The following CRADD variants were observed in gnomAD, a reference collection of about 807,000 sequenced individuals.
CRADD encodes the protein CARD and death domain containing adaptor protein.
Under a neutral mutation model 15.5 loss-of-function variants are expected in CRADD, and 9 were observed. The observed-to-expected ratio is 0.58, with a 90% CI of 0.35 to 1.01. The LOEUF (loss-of-function observed/expected upper bound fraction) is 1.01. Among genes scored for constraint, CRADD ranks in the 50% least tolerant of loss-of-function variants. CRADD has a pLI of 0.02. For synonymous variants in CRADD, 118 were observed against 107.6 expected (o/e 1.10, Z -0.60); for missense variants, 227 against 250.3 (o/e 0.91, Z 0.63).
intron 2 of CRADD, among the ~76,000 whole-genome samples, chr12:93,680,318 C>T (rs1955252116): frequency 6.6e-6 from 1 of 152,062 alleles, no homozygotes; most frequent in South Asian, 2.1e-4. Context: ...CCCCAGACTT[C>T]GTGGTTGCTA....
At chr12:93,679,125 T>A (rs919305271) in intron 2 of CRADD, 53 bp downstream of exon 2, 9 of 1,410,092 alleles carry the variant, frequency 6.4e-6, no homozygotes, top group Non-Finnish European at 8.9e-6. Flanking sequence ...GTAACTATGC[T>A]CTTTGCTTTT....
chr12:93,749,538 C>T (rs1956807446), intron 2 of CRADD, among the ~76,000 whole-genome samples: 1 of 151,242 alleles, frequency 6.6e-6, no homozygotes, highest in Non-Finnish European at 1.5e-5. Flanking sequence ...AGTGATACTC[C>T]AGCCTTTCCC....
chr12:93,813,306 C>G (rs1293481812), intron 2 of CRADD, among the ~76,000 whole-genome samples: 3 of 152,186 alleles, frequency 2.0e-5, no homozygotes, highest in African/African-American at 7.2e-5. Flanking sequence ...CAAGAACACG[C>G]AATAGTCTTT....
chr12:93,774,969 A>G (rs1731699908), intron 2 of CRADD, among the ~76,000 whole-genome samples: 1 of 152,172 alleles, frequency 6.6e-6, no homozygotes, highest in Admixed American at 6.6e-5. Flanking sequence ...AGAATGGATC[A>G]CAGTTTTTTG....
intron 2 of CRADD, among the ~76,000 whole-genome samples, chr12:93,810,315 G>A (rs1246792434): frequency 1.3e-5 from 2 of 152,124 alleles, no homozygotes; most frequent in Non-Finnish European, 1.5e-5. Context: ...TTGGGAGACC[G>A]AGGCGGGCGG....
At chr12:93,868,368 C>T (rs1343685197) in intron 2 of CRADD, among the ~76,000 whole-genome samples, 1 of 152,086 alleles carries the variant, frequency 6.6e-6, no homozygotes, top group African/African-American at 2.4e-5. Flanking sequence ...TCTCAAAGAA[C>T]ATTGAAAGAG....
chr12:93,733,893 A>C (rs1458454842), intron 2 of CRADD, among the ~76,000 whole-genome samples: 1 of 151,320 alleles, frequency 6.6e-6, no homozygotes, highest in Non-Finnish European at 1.5e-5. Flanking sequence ...GCGCTACCAC[A>C]CCCTGCTAAA....
At chr12:93,697,278 G>C (rs918728270) in intron 2 of CRADD, among the ~76,000 whole-genome samples, 1 of 152,202 alleles carries the variant, frequency 6.6e-6, no homozygotes, top group African/African-American at 2.4e-5. Flanking sequence ...ATTAGTGCCT[G>C]ACTAAAGGGC....
chr12:93,839,779 G>A (rs765080102), intron 2 of CRADD, among the ~76,000 whole-genome samples: 33 of 152,124 alleles, frequency 2.2e-4, no homozygotes, highest in Admixed American at 1.3e-4. Context: ...TACCTTTGCT[G>A]TTGGTTTTCA....
chr12:93,808,171 T>C (rs1957567160), intron 2 of CRADD, among the ~76,000 whole-genome samples: 3 of 151,764 alleles, frequency 2.0e-5, no homozygotes, highest in Non-Finnish European at 4.4e-5. Context: ...AGGCTTTCGC[T>C]CTAGCTCTCC....
intron 2 of CRADD, among the ~76,000 whole-genome samples, chr12:93,753,114 C>T (rs927957526): frequency 3.3e-5 from 5 of 152,062 alleles, no homozygotes; most frequent in African/African-American, 1.2e-4. Context: ...GGGACACAGC[C>T]AAACCATATC....
At chr12:93,696,910 ATAT>A (rs372013319) in intron 2 of CRADD, among the ~76,000 whole-genome samples, 314 of 152,252 alleles carry the variant, frequency 2.1e-3, no homozygotes, top group African/African-American at 6.7e-3. Context: ...TTATATGGAA[ATAT>A]TATTATCATT....
intron 2 of CRADD, among the ~76,000 whole-genome samples, chr12:93,778,245 C>G (rs1048808929): frequency 4.6e-5 from 7 of 152,212 alleles, no homozygotes; most frequent in African/African-American, 1.7e-4. Context: ...GAATCTCACC[C>G]ACTTTTAAAC....
intron 2 of CRADD, among the ~76,000 whole-genome samples, chr12:93,693,273 C>T (rs1955616010): frequency 6.6e-6 from 1 of 152,078 alleles, no homozygotes; most frequent in Non-Finnish European, 1.5e-5. Flanking sequence ...GGATTAAATT[C>T]TCCAGTTAAA....
intron 2 of CRADD, among the ~76,000 whole-genome samples, chr12:93,840,166 G>C (rs887976237): frequency 1.3e-5 from 2 of 152,090 alleles, no homozygotes; most frequent in Non-Finnish European, 2.9e-5. Context: ...AATAGGAATT[G>C]GCATCTTTAT....
chr12:93,812,104 G>C (rs1254907045), intron 2 of CRADD, among the ~76,000 whole-genome samples: 1 of 152,208 alleles, frequency 6.6e-6, no homozygotes, highest in Admixed American at 6.5e-5. Context: ...GTGATTGCCA[G>C]GCCTTCGGGG....
At chr12:93,801,004 A>G (rs960568903) in intron 2 of CRADD, among the ~76,000 whole-genome samples, 1 of 152,162 alleles carries the variant, frequency 6.6e-6, no homozygotes, top group Non-Finnish European at 1.5e-5. Context: ...TATTTCCTGT[A>G]AGCTAGTCGT....
intron 2 of CRADD, among the ~76,000 whole-genome samples, chr12:93,792,533 C>G (rs1308691401): frequency 6.6e-6 from 1 of 152,148 alleles, no homozygotes; most frequent in African/African-American, 2.4e-5. Context: ...AGATTTCAGT[C>G]ATATTCATGA....
At chr12:93,815,047 G>T (rs1460565382) in intron 2 of CRADD, 2 of 152,176 alleles carry the variant, frequency 1.3e-5, no homozygotes, top group African/African-American at 4.8e-5. Context: ...GTGGGGTGCT[G>T]GTGACATTGG....
Sources: allele counts gnomAD v4.1 joint callset (sites outside exome capture counted in the v4.1 genomes callset), GRCh38; gene constraint gnomAD v4.1.1; transcripts MANE v1.5; gene names NCBI Gene and HGNC (gene_info 2026-07-23, HGNC 2026-07-21).